The following UTRN variants were observed in gnomAD, a reference collection of about 807,000 sequenced individuals.
UTRN encodes the protein utrophin.
A neutral mutation model predicts 463.9 loss-of-function variants in UTRN; 283 were observed. That is an observed-to-expected ratio of 0.61 (90% CI 0.55 to 0.67). The LOEUF (loss-of-function observed/expected upper bound fraction) is 0.67, where lower values mean the gene tolerates loss of function less well. Ranked by LOEUF, UTRN falls within the 30% of genes least tolerant of loss-of-function variation. UTRN has a pLI of 0.00. For missense variants in UTRN, 3,922 were observed against 4,084.3 expected, an observed-to-expected ratio of 0.96 and a Z score of 1.08; for synonymous variants, 1,442 against 1,431.5, an observed-to-expected ratio of 1.01 and a Z score of -0.17.
At chr6:144,771,361 C>T (rs956186574) in intron 58 of UTRN, among the ~76,000 whole-genome samples, 1 of 152,108 alleles carries the variant, frequency 6.6e-6, no homozygotes, top group Non-Finnish European at 1.5e-5. Context: ...TGGGCTCCCA[C>T]CTCAGGCTCC....
At chr6:144,701,944 GATAATA>G (rs755969851) in intron 53 of UTRN, among the ~76,000 whole-genome samples, 1 of 151,908 alleles carries the variant, frequency 6.6e-6, no homozygotes, top group Non-Finnish European at 1.5e-5. Context: ...TGATATGCAA[GATAATA>G]ATAATAATAG....
chr6:144,472,582 C>G (rs1790770984), intron 23 of UTRN, among the ~76,000 whole-genome samples: 1 of 152,038 alleles, frequency 6.6e-6, no homozygotes, highest in Non-Finnish European at 1.5e-5. Flanking sequence ...GATGTAGTTT[C>G]CAGAGCGTGT....
intron 51 of UTRN, among the ~76,000 whole-genome samples, chr6:144,632,731 T>C (rs1372232239): frequency 6.6e-6 from 1 of 152,060 alleles, no homozygotes; most frequent in Admixed American, 6.5e-5. Context: ...TACTTTTTTT[T>C]TTTTTTTGAG....
rs139898548 is a variant in UTRN, at chr6:144,295,419, T to C, written c.79+3512T>C. Among the ~76,000 whole-genome samples the C allele has an allele frequency of 1.8e-3, 277 of 152,342 alleles. 1 individual carries two copies. Among genetic ancestry groups the C allele is most frequent in the African/African-American group, 6.5e-3 (269 of 41,576 alleles). Reference sequence around the variant, plus strand: ...AAGGACAGTGTGTCAGCTGGCTCCATGTGGAGTTCTTGACAGTTTGGGATT... The same window carrying C: ...AAGGACAGTGTGTCAGCTGGCTCCACGTGGAGTTCTTGACAGTTTGGGATT... On this transcript the variant is annotated intron_variant, in intron 2 of 74. Transcript: ENST00000367545.
At chr6:144,774,192 A>T in intron 59 of UTRN, 98 bp from the exon 60 acceptor site, 1 of 1,174,350 alleles carries the variant, frequency 8.5e-7, no homozygotes, top group Non-Finnish European at 1.2e-6. Flanking sequence ...GGCAAACATA[A>T]TATTTTTTCA....
At chr6:144,622,013 T>G (rs1775431684) in intron 51 of UTRN, among the ~76,000 whole-genome samples, 1 of 152,052 alleles carries the variant, frequency 6.6e-6, no homozygotes, top group African/African-American at 2.4e-5. Context: ...ATCCTTAATA[T>G]AAATAGATCT....
chr6:144,349,085 T>C (rs968909153), intron 2 of UTRN, among the ~76,000 whole-genome samples: 13 of 152,038 alleles, frequency 8.6e-5, no homozygotes, highest in Admixed American at 7.9e-4. Context: ...CTCGGCTCAC[T>C]GCAAGCTCCT....
rs749757888 is a variant in UTRN, at chr6:144,828,796, C to T, written c.9606C>T (p.Ala3202=). The T allele has an allele frequency of 6.2e-7, 1 of 1,613,304 alleles. No individual in the cohort carries two copies. The highest frequency in any genetic ancestry group is 8.5e-7 in the Non-Finnish European group (1 of 1,179,524). Residue 3202 remains alanine (A), a synonymous_variant, in exon 69 of 75, where the codon GCC becomes GCT. Coordinates refer to ENST00000367545, the MANE Select transcript of UTRN (RefSeq NM_007124.3). ...CCTTATTTTTATTTTGCAGACTGGCCCAGATGGAAAGGACTAATGGGTCTT... is the reference window on the plus strand; with the variant it reads ...CCTTATTTTTATTTTGCAGACTGGCTCAGATGGAAAGGACTAATGGGTCTT... ...SRIEQYATRL[A]QMERTNGSFL...
chr6:144,795,963 T>C (rs1777176969), intron 63 of UTRN, among the ~76,000 whole-genome samples: 1 of 152,216 alleles, frequency 6.6e-6, no homozygotes, highest in Admixed American at 6.5e-5. Context: ...TTGCTTTTGG[T>C]GTTTTAGTCA....
chr6:144,705,771 G>A (rs1472643767), intron 53 of UTRN, among the ~76,000 whole-genome samples: 1 of 152,112 alleles, frequency 6.6e-6, no homozygotes, highest in Admixed American at 6.5e-5. Flanking sequence ...GAAAAGTAAA[G>A]TGCTGAAGGG....
chr6:144,385,703 T>C (rs1429087910), intron 2 of UTRN, among the ~76,000 whole-genome samples: 1 of 142,698 alleles, frequency 7.0e-6, no homozygotes, highest in African/African-American at 3.1e-5. Flanking sequence ...CTGCCAGAAC[T>C]CTATTTTTTT....
intron 51 of UTRN, chr6:144,583,626 T>C (rs1802189111): frequency 3.1e-6 from 2 of 635,612 alleles, no homozygotes; most frequent in East Asian, 5.6e-5. Flanking sequence ...AAAATAAGGA[T>C]CTCGGGTGTC....
intron 2 of UTRN, among the ~76,000 whole-genome samples, chr6:144,400,566 G>A (rs1259740774): frequency 2.0e-5 from 3 of 152,178 alleles, no homozygotes; most frequent in African/African-American, 7.2e-5. Context: ...GCAAATTCTT[G>A]TTCTTTTACT....
At chr6:144,830,213 C>T (rs1254822216) in intron 69 of UTRN, among the ~76,000 whole-genome samples, 1 of 152,026 alleles carries the variant, frequency 6.6e-6, no homozygotes, top group Admixed American at 6.6e-5. Context: ...ATACTATTTT[C>T]AGATTTAGCA....
At chr6:144,435,857 T>A in intron 9 of UTRN, 78 bp from the exon 10 acceptor site, 1 of 1,499,158 alleles carries the variant, frequency 6.7e-7, no homozygotes, top group Non-Finnish European at 9.0e-7. Flanking sequence ...TACTTTGGGT[T>A]CGCCATACAG....
intron 66 of UTRN, among the ~76,000 whole-genome samples, chr6:144,827,133 G>T (rs1780252635): frequency 6.6e-6 from 1 of 152,066 alleles, no homozygotes; most frequent in Non-Finnish European, 1.5e-5. Flanking sequence ...TGTAATATCT[G>T]TGAAAAGGCC....
At chr6:144,493,932 G>A (rs1284038290) in intron 33 of UTRN, among the ~76,000 whole-genome samples, 1 of 152,148 alleles carries the variant, frequency 6.6e-6, no homozygotes, top group Non-Finnish European at 1.5e-5. Context: ...GAACCTGAGA[G>A]GCAGAGGTTG....
At chr6:144,596,546 G>T (rs1460284297) in intron 51 of UTRN, among the ~76,000 whole-genome samples, 1 of 152,110 alleles carries the variant, frequency 6.6e-6, no homozygotes, top group Non-Finnish European at 1.5e-5. Context: ...TCATGGGACT[G>T]TACTACCAAA....
At chr6:144,832,926 T>C (rs1780790238) in intron 69 of UTRN, among the ~76,000 whole-genome samples, 1 of 152,060 alleles carries the variant, frequency 6.6e-6, no homozygotes, top group African/African-American at 2.4e-5. Context: ...TTCAAGTGAT[T>C]CTCCTGCCTC....
Sources: allele counts gnomAD v4.1 joint callset (sites outside exome capture counted in the v4.1 genomes callset), GRCh38; gene constraint gnomAD v4.1.1; transcripts MANE v1.5; gene names NCBI Gene and HGNC (gene_info 2026-07-23, HGNC 2026-07-21).